Variants in CAMKK2 observed in about 807,000 individuals in gnomAD.
The protein encoded by CAMKK2 is calcium/calmodulin-dependent protein kinase kinase 2.
A neutral mutation model predicts 67.2 loss-of-function variants in CAMKK2; 30 were observed. The observed-to-expected ratio is 0.45, with a 90% CI of 0.33 to 0.61. The LOEUF (loss-of-function observed/expected upper bound fraction) is 0.61. Among genes scored for constraint, CAMKK2 ranks in the 20% least tolerant of loss-of-function variants. The pLI is 0.02. For missense variants in CAMKK2, 643 were observed against 802.0 expected (o/e 0.80, Z 2.39); for synonymous variants, 322 against 326.2 (o/e 0.99, Z 0.14).
intron 16 of CAMKK2, among the ~76,000 whole-genome samples, chr12:121,242,529 G>A (rs951327876): frequency 9.9e-5 from 15 of 152,180 alleles, no homozygotes; most frequent in Non-Finnish European, 1.0e-4. Context: ...CACCCAAGGC[G>A]GGGCTGCCCA....
At chr12:121,260,236 G>T in intron 7 of CAMKK2, 83 bp downstream of exon 7, 2 of 1,215,998 alleles carry the variant, frequency 1.6e-6, no homozygotes, top group Non-Finnish European at 2.3e-6. Flanking sequence ...AGGTGCCAGG[G>T]CACAGGCTGC....
rs199903262 is a variant in CAMKK2 at position 121,249,820 on chromosome 12, G to T, written c.1290C>A (p.Asn430Lys). The T allele has an allele frequency of 5.6e-6, 9 of 1,614,218 alleles. 1 individual carries two copies. The East Asian group carries it at 1.8e-4, about 32-fold the overall frequency. Residue 430 changes from asparagine (N) to lysine (K), a missense_variant, in exon 13 of 17, where the codon AAC becomes AAA. By Grantham distance (94) the Asn-to-Lys change is moderately conservative (BLOSUM62 0). This residue lies in a region of CAMKK2 where 483 missense variants were observed against 625.8 expected (regional missense o/e 0.77). Transcript: ENST00000404169. Reference protein sequence around the residue: ...KDLITRMLDKNPESRIVVPEI... With the variant: ...KDLITRMLDKKPESRIVVPEI... ...CCGGCACCACGATCCTCGACTCGGG[G>T]TTCTTGTCCAGCATACGGGTGATCA...
intron 1 of CAMKK2, among the ~76,000 whole-genome samples, chr12:121,275,918 T>C (rs1647677426): frequency 6.6e-6 from 1 of 152,108 alleles, no homozygotes; most frequent in Admixed American, 6.6e-5. Flanking sequence ...TCTCAGCACT[T>C]TGGGAGGACA....
rs868600344 is a variant in CAMKK2, at chr12:121,265,646, A to G, written c.626-1707T>C. Among the ~76,000 whole-genome samples the G allele has an allele frequency of 3.9e-5, 6 of 152,160 alleles. No homozygotes were observed. In the South Asian group the frequency reaches 6.2e-4, roughly 16 times the overall value. ...CACTTTGGGAGGCCGAGGTGGGTGG[A>G]TCATGAGGTCAGGAGATCGAGACCA... is the stretch of plus-strand genomic sequence containing the variant. On this transcript the variant is annotated intron_variant, in intron 5 of 16. Coordinates refer to ENST00000404169, the MANE Select transcript of CAMKK2 (RefSeq NM_001270485.2).
chr12:121,252,800 A>C, intron 10 of CAMKK2, 86 bp from the exon 11 acceptor site: 1 of 1,359,814 alleles, frequency 7.4e-7, no homozygotes. Flanking sequence ...CCACCTCTTG[A>C]CTTTCAGCCC....
intron 1 of CAMKK2, among the ~76,000 whole-genome samples, chr12:121,280,961 T>C (rs1465544108): frequency 7.2e-5 from 11 of 152,226 alleles, no homozygotes; most frequent in Admixed American, 5.2e-4. Flanking sequence ...CCCTGTTAAG[T>C]ACTTGATGTC....
chr12:121,297,391 C>G (rs1278663997), upstream of CAMKK2: 2 of 351,698 alleles, frequency 5.7e-6, no homozygotes, highest in Non-Finnish European at 1.1e-5. Context: ...CAGGGCCGGC[C>G]CTAAAGGCTG....
intron 1 of CAMKK2, among the ~76,000 whole-genome samples, chr12:121,279,354 G>T (rs1454995840): frequency 6.6e-6 from 1 of 152,236 alleles, no homozygotes; most frequent in Non-Finnish European, 1.5e-5. Flanking sequence ...TGCATCCAGG[G>T]GCTTCTGGCC....
At chr12:121,289,911 AGGCGGGGC>A (rs909639406) in intron 1 of CAMKK2, among the ~76,000 whole-genome samples, 19 of 130,440 alleles carry the variant, frequency 1.5e-4, no homozygotes, top group Non-Finnish European at 2.7e-4. Context: ...AAAAAAAAAA[AGGCGGGGC>A]GGGGAGCCAA....
At chr12:121,259,912 G>T (rs1274224891) in intron 7 of CAMKK2, among the ~76,000 whole-genome samples, 3 of 152,044 alleles carry the variant, frequency 2.0e-5, no homozygotes, top group Admixed American at 2.0e-4. Flanking sequence ...GTGACACTTT[G>T]TCTCTAGAAA....
chr12:121,253,537 G>A lies in CAMKK2; in HGVS notation c.908-65C>T. ...AAAACCTCGTGAGCACCTCTATGCGGCCACATGGCCTGGAGACACAGGCAT... is the reference window on the plus strand; with the variant it reads ...AAAACCTCGTGAGCACCTCTATGCGACCACATGGCCTGGAGACACAGGCAT... On this transcript the variant is annotated intron_variant, in intron 9 of 16. Coordinates refer to ENST00000404169, the MANE Select transcript of CAMKK2 (RefSeq NM_001270485.2). This position sits in a 1 kb window ranked among gnomAD's most constrained non-coding sequence, Gnocchi z 5.0. The A allele has an allele frequency of 2.9e-6, 4 of 1,356,010 alleles. No individual in the cohort carries two copies. The allele number at this position is 1,356,010 out of a possible 1,614,324, so 84.0% of individuals were successfully genotyped here. A position where few individuals can be genotyped will look rare whatever the true frequency, so the allele number is the denominator to read the frequency against.
intron 1 of CAMKK2, among the ~76,000 whole-genome samples, chr12:121,293,050 C>T (rs1014336895): frequency 8.0e-5 from 12 of 150,206 alleles, no homozygotes; most frequent in African/African-American, 2.4e-4. Context: ...CCGAGGCAGG[C>T]GGATCATCTG....
chr12:121,266,620 C>T (rs921747151), intron 5 of CAMKK2, among the ~76,000 whole-genome samples: 3 of 151,846 alleles, frequency 2.0e-5, no homozygotes, highest in Non-Finnish European at 4.4e-5. Context: ...CTCAGCCTCC[C>T]GAGTAGCTGG....
In CAMKK2 at chr12:121,285,726, C is replaced by T. The variant is rs563677495; in HGVS notation, c.-60+10912G>A. Among the ~76,000 whole-genome samples the T allele has an allele frequency of 3.9e-5, 6 of 152,240 alleles. No homozygotes were observed. Among genetic ancestry groups the T allele is most frequent in the Middle Eastern group, 3.4e-3 (1 of 294 alleles). ...ACTAGGGAGGCTGAGGTGGGAGGAT[C>T]GCTTGAGCTGGGGAGGTTGATGCAG... is the stretch of plus-strand genomic sequence containing the variant. On this transcript the variant is annotated intron_variant, in intron 1 of 16. Transcript: ENST00000404169. This position sits in a 1 kb window ranked among gnomAD's most constrained non-coding sequence, Gnocchi z 4.1.
At chr12:121,244,435 G>T in intron 16 of CAMKK2, 138 bp downstream of exon 16, 1 of 813,184 alleles carries the variant, frequency 1.2e-6, no homozygotes, top group Non-Finnish European at 1.9e-6. Flanking sequence ...GGGTCTGGAG[G>T]CCCGCGGTGA....
rs529502901 is a variant in CAMKK2 at position 121,271,785 on chromosome 12, G to A, written c.472-840C>T. ...TGCAATGGCACAATCTCAGCTCACC[G>A]CAACCTCCGCCTCCCAGATTCAAGC... On this transcript the variant is annotated intron_variant, in intron 2 of 16. Coordinates refer to ENST00000404169, the MANE Select transcript of CAMKK2 (RefSeq NM_001270485.2). 2.6e-3 allele frequency among the ~76,000 whole-genome samples: 390 copies of A among 151,890 alleles called. 1 individual carries two copies. Among genetic ancestry groups the A allele is most frequent in the African/African-American group, 8.9e-3 (367 of 41,392 alleles).
At chr12:121,264,776 A>AAATAATAATAATAATAAT (rs57906202) in intron 5 of CAMKK2, among the ~76,000 whole-genome samples, 3 of 139,954 alleles carry the variant, frequency 2.1e-5, no homozygotes, top group African/African-American at 8.1e-5. Flanking sequence ...TCAGTCTCAA[A>AAATAATAATAATAATAAT]AATAATAATA....
intron 14 of CAMKK2, among the ~76,000 whole-genome samples, chr12:121,247,442 C>T (rs1402043025): frequency 6.6e-6 from 1 of 152,194 alleles, no homozygotes; most frequent in African/African-American, 2.4e-5. Flanking sequence ...AAGAACCCGT[C>T]CCAGAGACCC....
intron 7 of CAMKK2, among the ~76,000 whole-genome samples, chr12:121,256,924 C>T (rs1044222847): frequency 6.6e-6 from 1 of 151,750 alleles, no homozygotes; most frequent in Non-Finnish European, 1.5e-5. Context: ...TGGGTATATA[C>T]CTAGGAGTGG....
Sources: allele counts gnomAD v4.1 joint callset (sites outside exome capture counted in the v4.1 genomes callset), GRCh38; gene constraint gnomAD v4.1.1; regional missense constraint gnomAD v4.1.1; non-coding constraint Gnocchi (gnomAD v3.1); transcripts MANE v1.5; gene names NCBI Gene and HGNC (gene_info 2026-07-23, HGNC 2026-07-21).